Variants in C4orf51 observed in about 807,000 individuals in gnomAD.
C4orf51 encodes chromosome 4 open reading frame 51, also known as uncharacterized protein C4orf51.
Under a neutral mutation model 25.2 loss-of-function variants are expected in C4orf51, and 25 were observed. The ratio of observed to expected loss-of-function variants is 0.99; its 90% CI spans 0.72 to 1.39. The LOEUF is 1.39. Among genes scored for constraint, C4orf51 ranks in the 40% most tolerant of loss-of-function variants. The pLI, the probability that C4orf51 is intolerant of heterozygous loss-of-function variation, is 0.00. For missense variants in C4orf51, 252 were observed against 239.6 expected, an observed-to-expected ratio of 1.05 and a Z score of -0.34; for synonymous variants, 100 against 84.5, an observed-to-expected ratio of 1.18 and a Z score of -1.01.
chr4:145,783,577 A>C, the C4orf51 span, among the ~76,000 whole-genome samples: 4 of 152,244 alleles, frequency 2.6e-5, no homozygotes, highest in African/African-American at 9.6e-5. Flanking sequence ...CCCAACAGTC[A>C]TTCTCAACTT....
Position 145,765,490 on chromosome 4 carries a change from G to T in C4orf51, n.167-5498G>T, listed in dbSNP as rs1735150637. ...GCTCCTGTGCAGGGCTTATTCTCAA[G>T]AATGGGTCATCCTGGGTGCGGAGGG... On this transcript the variant is annotated intron_variant and non_coding_transcript_variant, in intron 1 of 1. Coordinates refer to the C4orf51 transcript ENST00000510096. The surrounding 1 kb of genome is among the most constrained non-coding windows in gnomAD (Gnocchi z 4.7). The T allele has an allele frequency of 6.5e-7, 1 of 1,545,648 alleles. No individual in the cohort carries two copies. Among genetic ancestry groups the T allele is most frequent in the African/African-American group, 1.4e-5 (1 of 72,854 alleles).
Position 145,762,353 on chromosome 4 carries a change from A to AC in C4orf51, n.167-8634dup, listed in dbSNP as rs1387102592. Among the ~76,000 whole-genome samples, 1 of 152,184 alleles carries AC rather than the reference A, an allele frequency of 6.6e-6. No individual in the cohort carries two copies. Among genetic ancestry groups the AC allele is most frequent in the Non-Finnish European group, 1.5e-5 (1 of 68,034 alleles). Reference sequence around the variant, plus strand: ...GAGGAAGGGAGGAGGGAGGGAGACAACTGCTATCTGGAGCTCGAAGACATT... The same window carrying AC: ...GAGGAAGGGAGGAGGGAGGGAGACAACCTGCTATCTGGAGCTCGAAGACATT... On this transcript the variant is annotated intron_variant and non_coding_transcript_variant, in intron 1 of 1. Transcript: ENST00000510096. This position sits in a 1 kb window ranked among gnomAD's most constrained non-coding sequence, Gnocchi z 4.9.
the C4orf51 span, among the ~76,000 whole-genome samples, chr4:145,777,265 A>G: frequency 1.3e-5 from 2 of 152,298 alleles, no homozygotes; most frequent in East Asian, 1.9e-4. Flanking sequence ...TGAATAAGTG[A>G]GGTTGTTAAG....
At chr4:145,695,893 T>C (rs1023302135) in intron 1 of C4orf51, among the ~76,000 whole-genome samples, 1 of 152,174 alleles carries the variant, frequency 6.6e-6, no homozygotes, top group Non-Finnish European at 1.5e-5. Flanking sequence ...CCATTAACCT[T>C]AGCAAACTAA....
rs559392972 is a variant in C4orf51, at chr4:145,709,951, AGG to A, written c.307+13322_307+13323del. ...GTTGGTTAGTAAGCAGGAGAGTAAAAGGGGCGAATAAACCATGCACAGAGGTT... is the reference window on the plus strand; with the variant it reads ...GTTGGTTAGTAAGCAGGAGAGTAAAAGGCGAATAAACCATGCACAGAGGTT... On this transcript the variant is annotated intron_variant, in intron 2 of 5. Coordinates refer to ENST00000438731, the MANE Select transcript of C4orf51 (RefSeq NM_001080531.3). Among the ~76,000 whole-genome samples, 55 of 152,282 alleles carry A rather than the reference AGG, an allele frequency of 3.6e-4. No homozygotes were observed. The East Asian group carries it at 0.01, about 28-fold the overall frequency.
intron 2 of C4orf51, among the ~76,000 whole-genome samples, chr4:145,703,283 C>T (rs1329654289): frequency 6.6e-6 from 1 of 151,764 alleles, no homozygotes; most frequent in Non-Finnish European, 1.5e-5. Flanking sequence ...CTCAAAAGCA[C>T]CCCCACTGAG....
At chr4:145,766,808 C>T (rs1213892015) in intron 1 of C4orf51, among the ~76,000 whole-genome samples, 1 of 152,116 alleles carries the variant, frequency 6.6e-6, no homozygotes, top group Non-Finnish European at 1.5e-5. Context: ...ATTGGAAAAA[C>T]ACAATTTACA....
the C4orf51 span, among the ~76,000 whole-genome samples, chr4:145,782,973 A>G: frequency 6.6e-6 from 1 of 152,300 alleles, no homozygotes; most frequent in Non-Finnish European, 1.5e-5. Flanking sequence ...CCCAAGGTAG[A>G]GTTAGTCATT....
In C4orf51 at chr4:145,765,614, A is replaced by T; in HGVS notation, n.167-5374A>T. 1 of 1,614,006 alleles carries T rather than the reference A, an allele frequency of 6.2e-7. No homozygotes were observed. The highest frequency in any genetic ancestry group is 8.5e-7 in the Non-Finnish European group (1 of 1,179,998). On this transcript the variant is annotated intron_variant and non_coding_transcript_variant, in intron 1 of 1. Transcript: ENST00000510096. The surrounding 1 kb of genome is among the most constrained non-coding windows in gnomAD (Gnocchi z 4.7). ...CAGGCATGACAGAGATGACCAGCAG[A>T]TTGTTCCCGCCCTTGTTTTTCTGGG...
At chr4:145,754,488 G>A (rs1733834853), downstream of C4orf51, 1 of 152,328 alleles carries the variant, frequency 6.6e-6, no homozygotes, top group South Asian at 2.1e-4. Flanking sequence ...AGCAGAGTTG[G>A]AGAGATGAAA....
At chr4:145,784,249 C>T in the C4orf51 span, among the ~76,000 whole-genome samples, 1 of 152,190 alleles carries the variant, frequency 6.6e-6, no homozygotes, top group Admixed American at 6.5e-5. Flanking sequence ...TAATACAGTC[C>T]TCTGTGGCAT....
At chr4:145,719,473 C>T (rs1337499190) in intron 2 of C4orf51, among the ~76,000 whole-genome samples, 2 of 150,840 alleles carry the variant, frequency 1.3e-5, no homozygotes, top group South Asian at 2.1e-4. Context: ...GGCGTGGTTG[C>T]GGGCGCCTAT....
chr4:145,699,170 G>A lies in C4orf51; in HGVS notation c.307+2538G>A, dbSNP rs936103234. ...AATGGCCCCACCCTTATCTCCCTTC[G>A]CTGACTCTCTTTTCAGACTCAGCCC... On this transcript the variant is annotated intron_variant, in intron 2 of 5. Transcript: ENST00000438731. Among the ~76,000 whole-genome samples the A allele has an allele frequency of 6.0e-5, 9 of 150,034 alleles. No individual in the cohort carries two copies. The East Asian group carries it at 1.8e-3, about 29-fold the overall frequency.
intron 1 of C4orf51, among the ~76,000 whole-genome samples, chr4:145,739,255 G>C (rs976932114): frequency 4.6e-5 from 7 of 152,228 alleles, no homozygotes; most frequent in Non-Finnish European, 7.3e-5. Context: ...ATAGATTATA[G>C]ATTTGGTCAG....
chr4:145,698,424 A>G (rs1448129182), intron 2 of C4orf51, among the ~76,000 whole-genome samples: 1 of 152,240 alleles, frequency 6.6e-6, no homozygotes, highest in African/African-American at 2.4e-5. Flanking sequence ...AGCATGTGCT[A>G]CCAGGTCAGA....
At chr4:145,774,950 T>C (rs1452946762), downstream of C4orf51, among the ~76,000 whole-genome samples, 1 of 152,214 alleles carries the variant, frequency 6.6e-6, no homozygotes, top group Non-Finnish European at 1.5e-5. Context: ...AAACTATGGA[T>C]TCCAGATGCT....
At chr4:145,703,989 C>T (rs1380216650) in intron 2 of C4orf51, among the ~76,000 whole-genome samples, 1 of 152,102 alleles carries the variant, frequency 6.6e-6, no homozygotes, top group Non-Finnish European at 1.5e-5. Flanking sequence ...AGAATAAAAG[C>T]CCAACTTCCC....
chr4:145,772,983 C>G (rs1267909243), downstream of C4orf51, among the ~76,000 whole-genome samples: 1 of 152,056 alleles, frequency 6.6e-6, no homozygotes, highest in East Asian at 1.9e-4. Flanking sequence ...CATATGGTTT[C>G]TATGGTTTCT....
chr4:145,774,638 C>T, downstream of C4orf51: 1 of 1,613,852 alleles, frequency 6.2e-7, no homozygotes. Flanking sequence ...ACAAACTGGA[C>T]ATTGAGCTCG....
Sources: allele counts gnomAD v4.1 joint callset (sites outside exome capture counted in the v4.1 genomes callset), GRCh38; gene constraint gnomAD v4.1.1; non-coding constraint Gnocchi (gnomAD v3.1); transcripts MANE v1.5; gene names NCBI Gene and HGNC (gene_info 2026-07-23, HGNC 2026-07-21).